SRGAP2: variants seen among roughly 807,000 people sequenced by gnomAD.
SRGAP2 encodes SLIT-ROBO Rho GTPase-activating protein 2.
A neutral mutation model predicts 57.2 loss-of-function variants in SRGAP2; 15 were observed. That is an observed-to-expected ratio of 0.26 (90% CI 0.18 to 0.40). SRGAP2 has a LOEUF of 0.40. SRGAP2 is among the 10% of genes least tolerant of loss of function. The probability of loss-of-function intolerance (pLI) is 1.00; values close to 1 mark genes in which losing one functional copy is unlikely to be tolerated. For missense variants in SRGAP2, 520 were observed against 669.6 expected (o/e 0.78, Z 2.47); for synonymous variants, 249 against 248.0 (o/e 1.00, Z -0.04).
rs576567426 is a variant in SRGAP2 at position 206,413,393 on chromosome 1, C to T, written c.1357-2496C>T. 7.9e-5 allele frequency among the ~76,000 whole-genome samples: 12 copies of T among 152,212 alleles called. No homozygotes were observed. In the Middle Eastern group the frequency reaches 0.01, roughly 129 times the overall value. ...TTGGTTGGGGATTTGGATATTACCC[C>T]GGGAAGAATGACAGCAGGTGAGCTG... On this transcript the variant is annotated intron_variant, in intron 10 of 22. Transcript: ENST00000573034.
chr1:206,274,732 ATTCT>A (rs1245045308), intron 2 of SRGAP2, among the ~76,000 whole-genome samples: 2 of 151,884 alleles, frequency 1.3e-5, no homozygotes, highest in Non-Finnish European at 1.5e-5. Context: ...TGATGTAAAG[ATTCT>A]TTCTTTTACT....
At chr1:206,364,302 T>C (rs1203218546) in intron 4 of SRGAP2, among the ~76,000 whole-genome samples, 4 of 138,828 alleles carry the variant, frequency 2.9e-5, no homozygotes, top group Admixed American at 1.4e-4. Flanking sequence ...TGCTCTTCTT[T>C]TTTTTTTTTT....
At chr1:206,447,800 C>G (rs553054008) in intron 18 of SRGAP2, among the ~76,000 whole-genome samples, 20 of 152,234 alleles carry the variant, frequency 1.3e-4, no homozygotes, top group Non-Finnish European at 2.4e-4. Context: ...GGCACAGAGA[C>G]CCCTACAGCC....
chr1:206,368,992 A>G (rs1229178728), intron 4 of SRGAP2, among the ~76,000 whole-genome samples: 3 of 152,036 alleles, frequency 2.0e-5, no homozygotes, highest in Non-Finnish European at 4.4e-5. Flanking sequence ...TCCTCTCTAG[A>G]GGAAGATACT....
intron 3 of SRGAP2, among the ~76,000 whole-genome samples, chr1:206,331,617 A>T (rs1674360988): frequency 7.1e-6 from 1 of 141,440 alleles, no homozygotes; most frequent in South Asian, 2.3e-4. Flanking sequence ...TTTATCAGAG[A>T]CTAGGATTGC....
intron 11 of SRGAP2, among the ~76,000 whole-genome samples, chr1:206,418,659 C>A (rs1415204246): frequency 6.6e-6 from 1 of 151,970 alleles, no homozygotes. Context: ...TGAAGATTTT[C>A]AGTTTCATTT....
At position 206,333,238 on chromosome 1, in the gene SRGAP2, C is replaced by T. The variant is rs1674509390; in HGVS notation, c.261-9608C>T. ...GCTCAGATGGAAATGCAGAAATCAC[C>T]CGTCTTCTGCGTCGCTCACGCTGGG... On this transcript the variant is annotated intron_variant, in intron 3 of 22. Transcript: ENST00000573034. 5 of 770,468 alleles carry T rather than the reference C, an allele frequency of 6.5e-6. No homozygotes were observed. The Admixed American group carries it at 1.1e-4, about 17-fold the overall frequency. 47.7% of individuals were successfully genotyped at this position (770,468 alleles called of 1,614,324 possible).
At chr1:206,266,024 C>T (rs1246576977) in intron 2 of SRGAP2, among the ~76,000 whole-genome samples, 1 of 151,494 alleles carries the variant, frequency 6.6e-6, no homozygotes, top group Admixed American at 6.6e-5. Flanking sequence ...AATGTTTGAG[C>T]TGGAAGGTGC....
chr1:206,354,782 TC>T (rs1192707909), intron 4 of SRGAP2, among the ~76,000 whole-genome samples: 8 of 130,432 alleles, frequency 6.1e-5, no homozygotes, highest in Admixed American at 2.4e-4. Flanking sequence ...TCTCTCTCCC[TC>T]CCCCCCTTCC....
intron 2 of SRGAP2, among the ~76,000 whole-genome samples, chr1:206,254,222 T>A (rs79000747): frequency 1.5e-5 from 1 of 66,482 alleles, no homozygotes. Flanking sequence ...ATAAAATATA[T>A]GGGAAAGAAA....
chr1:206,251,479 T>TATTA (rs2102586744), intron 2 of SRGAP2, among the ~76,000 whole-genome samples: 1 of 145,438 alleles, frequency 6.9e-6, no homozygotes, highest in South Asian at 2.3e-4. Context: ...GAGAACTGGG[T>TATTA]ATTACCCTGT....
At chr1:206,428,165 G>A (rs180898473) in intron 13 of SRGAP2, among the ~76,000 whole-genome samples, 177 of 151,998 alleles carry the variant, frequency 1.2e-3, no homozygotes, top group Non-Finnish European at 1.9e-3. Flanking sequence ...GCCTGTAATC[G>A]CAGCACTTTG....
intron 3 of SRGAP2, among the ~76,000 whole-genome samples, chr1:206,310,400 T>C (rs74953088): frequency 0.028 from 4,299 of 152,206 alleles, 66 homozygotes; most frequent in Middle Eastern, 0.034. Flanking sequence ...TCTATTATTA[T>C]AAATAAGTGT....
chr1:206,365,437 G>A (rs1263619104), intron 4 of SRGAP2, among the ~76,000 whole-genome samples: 32 of 152,316 alleles, frequency 2.1e-4, no homozygotes, highest in African/African-American at 7.5e-4. Context: ...GATGATGGAA[G>A]GAATGGTTAC....
chr1:206,452,758 C>T (rs1411887610), intron 19 of SRGAP2, among the ~76,000 whole-genome samples: 4 of 151,774 alleles, frequency 2.6e-5, no homozygotes, highest in African/African-American at 7.3e-5. Flanking sequence ...TGGTGGCACA[C>T]GTCTGTAGTC....
chr1:206,214,252 A>G (rs1414969163), intron 2 of SRGAP2, among the ~76,000 whole-genome samples: 3 of 152,218 alleles, frequency 2.0e-5, no homozygotes, highest in African/African-American at 4.8e-5. Flanking sequence ...CACATAGACT[A>G]CTAGCTAACA....
At chr1:206,210,698 T>G (rs1666264228) in intron 2 of SRGAP2, among the ~76,000 whole-genome samples, 1 of 148,538 alleles carries the variant, frequency 6.7e-6, no homozygotes, top group African/African-American at 2.6e-5. Context: ...ACAAAGGTCT[T>G]CTCCAAAGCT....
At chr1:206,353,540 A>C (rs1553338663) in intron 4 of SRGAP2, among the ~76,000 whole-genome samples, 3 of 151,958 alleles carry the variant, frequency 2.0e-5, no homozygotes, top group African/African-American at 7.3e-5. Context: ...CCAGCTGCTC[A>C]GGAGGCTGAG....
chr1:206,325,889 C>G (rs1303438759), intron 3 of SRGAP2, among the ~76,000 whole-genome samples: 1 of 152,304 alleles, frequency 6.6e-6, no homozygotes, highest in Non-Finnish European at 1.5e-5. Flanking sequence ...CTCTGGCAGA[C>G]GAGCATAAGA....
Sources: gnomAD v4.1 joint callset for allele counts (sites outside exome capture counted in the v4.1 genomes callset) on GRCh38, gnomAD v4.1.1 for gene constraint, MANE v1.5 for transcripts, NCBI Gene and HGNC (gene_info 2026-07-23, HGNC 2026-07-21) for gene names.